Variants in MDFIC observed in about 807,000 individuals in gnomAD.
MDFIC encodes MyoD family inhibitor domain containing.
MDFIC carries 17 observed loss-of-function variants against 23.2 expected under a neutral mutation model. The observed-to-expected ratio is 0.73, with a 90% CI of 0.50 to 1.10. MDFIC has a LOEUF of 1.10. Among genes scored for constraint, MDFIC ranks in the 50% least tolerant of loss-of-function variants. The probability of loss-of-function intolerance (pLI) is 0.00; values close to 1 mark genes in which losing one functional copy is unlikely to be tolerated. For missense variants in MDFIC, 356 were observed against 316.6 expected (o/e 1.12, Z -0.95); for synonymous variants, 120 against 115.2 (o/e 1.04, Z -0.27).
At chr7:115,000,945 G>A (rs939838657) in intron 4 of MDFIC, among the ~76,000 whole-genome samples, 2 of 152,106 alleles carry the variant, frequency 1.3e-5, no homozygotes, top group African/African-American at 4.8e-5. Flanking sequence ...ATCTTCCCAT[G>A]GGATTTTAAT....
chr7:114,953,798 T>A (rs975331972), intron 3 of MDFIC, among the ~76,000 whole-genome samples: 2 of 152,218 alleles, frequency 1.3e-5, no homozygotes, highest in Non-Finnish European at 2.9e-5. Flanking sequence ...TAATATACTT[T>A]AAATTGTCTC....
chr7:115,013,849 G>A (rs1481617147), intron 4 of MDFIC: 3 of 318,876 alleles, frequency 9.4e-6, no homozygotes, highest in Admixed American at 6.5e-5. Context: ...GTAAGGTCAT[G>A]GGCCTTTATT....
intron 2 of MDFIC, among the ~76,000 whole-genome samples, chr7:114,930,403 C>T (rs1438702253): frequency 6.6e-6 from 1 of 152,048 alleles, no homozygotes; most frequent in Non-Finnish European, 1.5e-5. Context: ...GGAAGAGAAT[C>T]CAGAGACCAG....
At chr7:114,926,937 C>A (rs766439654) in intron 2 of MDFIC, among the ~76,000 whole-genome samples, 3 of 152,244 alleles carry the variant, frequency 2.0e-5, no homozygotes, top group Non-Finnish European at 2.9e-5. Flanking sequence ...AGCTTCTAAT[C>A]CTGGTTCTCT....
chr7:114,955,609 C>T (rs558535687), intron 3 of MDFIC, among the ~76,000 whole-genome samples: 7 of 152,292 alleles, frequency 4.6e-5, no homozygotes, highest in Non-Finnish European at 8.8e-5. Flanking sequence ...CACATAGTTT[C>T]CCCCAAATAC....
chr7:114,993,802 G>T (rs1458270420), intron 4 of MDFIC, among the ~76,000 whole-genome samples: 1 of 152,156 alleles, frequency 6.6e-6, no homozygotes, highest in Non-Finnish European at 1.5e-5. Flanking sequence ...GTGCGATATG[G>T]TGCTGAGAAG....
At position 114,923,025 on chromosome 7, in the gene MDFIC, G is replaced by A. The variant is rs1218690943; in HGVS notation, c.-9G>A. 1.4e-6 allele frequency: 2 copies of A among 1,434,898 alleles called. No individual in the cohort carries two copies. Among genetic ancestry groups the A allele is most frequent in the Non-Finnish European group, 1.8e-6 (2 of 1,092,744 alleles). 88.9% of individuals were successfully genotyped at this position (1,434,898 alleles called of 1,614,324 possible). A position where few individuals can be genotyped will look rare whatever the true frequency, so the allele number is the denominator to read the frequency against. On this transcript the variant is annotated 5_prime_UTR_variant, in exon 2 of 5. Coordinates refer to ENST00000393486, the MANE Select transcript of MDFIC (RefSeq NM_001166345.3). ...GCAGCGGCGCGGCGCGGGCTCGGCG[G>A]AGCGGCCCATGTCCGGCGCGGGCGA...
intron 3 of MDFIC, among the ~76,000 whole-genome samples, chr7:114,955,776 G>C (rs1358304827): frequency 6.6e-6 from 1 of 152,142 alleles, no homozygotes; most frequent in Non-Finnish European, 1.5e-5. Flanking sequence ...AATTTTCTCA[G>C]TCCGCAGTTC....
chr7:114,941,075 AGAATCTTTGATTCT>A (rs1316217150), intron 2 of MDFIC, among the ~76,000 whole-genome samples: 1 of 152,198 alleles, frequency 6.6e-6, no homozygotes, highest in Non-Finnish European at 1.5e-5. Context: ...CAGTTGAAAT[AGAATCTTTGATTCT>A]GGTATCCAGA....
At chr7:114,981,455 T>G (rs1793416026) in intron 4 of MDFIC, among the ~76,000 whole-genome samples, 2 of 152,182 alleles carry the variant, frequency 1.3e-5, no homozygotes, top group African/African-American at 4.8e-5. Flanking sequence ...ACTCTTCCTC[T>G]TTCTCTCCCT....
intron 4 of MDFIC, among the ~76,000 whole-genome samples, chr7:115,003,509 T>G (rs1791504821): frequency 6.6e-6 from 1 of 152,232 alleles, no homozygotes; most frequent in Admixed American, 6.5e-5. Flanking sequence ...ATCCCAGGTC[T>G]TATCAACTCA....
chr7:114,978,195 G>A (rs1171514944), intron 3 of MDFIC, among the ~76,000 whole-genome samples: 1 of 151,798 alleles, frequency 6.6e-6, no homozygotes, highest in Non-Finnish European at 1.5e-5. Context: ...TTTAGGTGCT[G>A]TGATAGAAAT....
chr7:114,936,727 G>A (rs1792431812), intron 2 of MDFIC, among the ~76,000 whole-genome samples: 2 of 152,088 alleles, frequency 1.3e-5, no homozygotes, highest in Non-Finnish European at 2.9e-5. Context: ...TTATCATCCT[G>A]TTTCCAACTG....
intron 3 of MDFIC, among the ~76,000 whole-genome samples, chr7:114,975,957 A>T (rs1793300493): frequency 6.6e-6 from 1 of 152,134 alleles, no homozygotes. Flanking sequence ...TGAAACAAAA[A>T]TAATGTACTA....
chr7:114,927,174 A>G (rs1168893038), intron 2 of MDFIC, among the ~76,000 whole-genome samples: 1 of 152,168 alleles, frequency 6.6e-6, no homozygotes, highest in African/African-American at 2.4e-5. Flanking sequence ...TTCATCCCAG[A>G]CTTATAGAAT....
At chr7:114,973,232 G>A (rs994247668) in intron 3 of MDFIC, among the ~76,000 whole-genome samples, 1 of 151,960 alleles carries the variant, frequency 6.6e-6, no homozygotes, top group Admixed American at 6.6e-5. Context: ...AGTTTAAATA[G>A]GATAAAAGTT....
chr7:114,964,247 G>A (rs545007552), intron 3 of MDFIC, among the ~76,000 whole-genome samples: 2 of 152,254 alleles, frequency 1.3e-5, no homozygotes, highest in East Asian at 1.9e-4. Context: ...TTATGTGCAT[G>A]GGATGGTTTA....
At chr7:114,932,801 C>G (rs1354806206) in intron 2 of MDFIC, among the ~76,000 whole-genome samples, 4 of 152,178 alleles carry the variant, frequency 2.6e-5, no homozygotes, top group Non-Finnish European at 5.9e-5. Context: ...TGGGCCTTTA[C>G]AAAAATTGAC....
rs564481907 is a variant in MDFIC at position 114,964,288 on chromosome 7, C to T, written c.218-15218C>T. On this transcript the variant is annotated intron_variant, in intron 3 of 4. Coordinates refer to ENST00000393486, the MANE Select transcript of MDFIC (RefSeq NM_001166345.3). Reference sequence around the variant, plus strand: ...GTTTGAAAGAGGCAGACACTTGCTACAGGTTTTAAAAATCATCAGGGTTAA... The same window carrying T: ...GTTTGAAAGAGGCAGACACTTGCTATAGGTTTTAAAAATCATCAGGGTTAA... Among the ~76,000 whole-genome samples the T allele has an allele frequency of 1.7e-4, 26 of 152,246 alleles. No individual in the cohort carries two copies. The South Asian group carries it at 1.9e-3, about 11-fold the overall frequency.
Sources: gnomAD v4.1 joint callset for allele counts (sites outside exome capture counted in the v4.1 genomes callset) on GRCh38, gnomAD v4.1.1 for gene constraint, MANE v1.5 for transcripts, NCBI Gene and HGNC (gene_info 2026-07-23, HGNC 2026-07-21) for gene names.